MAP3K7: variants seen among roughly 807,000 people sequenced by gnomAD.
The protein encoded by MAP3K7 is mitogen-activated protein kinase kinase kinase 7.
A neutral mutation model predicts 84.8 loss-of-function variants in MAP3K7; 21 were observed. The ratio of observed to expected loss-of-function variants is 0.25; its 90% CI spans 0.18 to 0.36. MAP3K7 has a LOEUF of 0.36. Ranked by LOEUF, MAP3K7 falls within the 10% of genes least tolerant of loss-of-function variation. MAP3K7 has a pLI of 1.00. For missense variants in MAP3K7, 503 were observed against 747.7 expected (o/e 0.67, Z 3.82); for synonymous variants, 241 against 247.7 (o/e 0.97, Z 0.25).
chr6:90,560,713 G>A (rs1325906858), intron 4 of MAP3K7, among the ~76,000 whole-genome samples: 4 of 152,058 alleles, frequency 2.6e-5, no homozygotes, highest in African/African-American at 9.7e-5. Context: ...ATTTTGAGTG[G>A]ATAATTGCCA....
chr6:90,562,999 T>C (rs879511066), intron 3 of MAP3K7, among the ~76,000 whole-genome samples: 12 of 152,124 alleles, frequency 7.9e-5, no homozygotes, highest in Non-Finnish European at 1.6e-4. Context: ...CCAACAAACC[T>C]GCAGCTGAGG....
At chr6:90,585,073 G>A (rs868131450) in intron 1 of MAP3K7, among the ~76,000 whole-genome samples, 1 of 152,112 alleles carries the variant, frequency 6.6e-6, no homozygotes, top group Non-Finnish European at 1.5e-5. Flanking sequence ...CCTGTGGTAG[G>A]TGTTTTGCAT....
intron 2 of MAP3K7, 85 bp from the exon 3 acceptor site, chr6:90,568,708 C>G: frequency 1.1e-6 from 1 of 948,150 alleles, no homozygotes. Flanking sequence ...TACTGTTGTA[C>G]AAAACATTTG....
At chr6:90,573,351 T>C (rs538269791) in intron 1 of MAP3K7, among the ~76,000 whole-genome samples, 4 of 152,208 alleles carry the variant, frequency 2.6e-5, no homozygotes, top group Admixed American at 6.6e-5. Context: ...AAGTTGACTA[T>C]AACTAGGTTG....
chr6:90,571,624 C>T (rs534776192), intron 2 of MAP3K7, 73 bp downstream of exon 2: 1 of 876,026 alleles, frequency 1.1e-6, no homozygotes, highest in Non-Finnish European at 1.7e-6. Flanking sequence ...AGAAACCAAT[C>T]TTTTTCATAA....
chr6:90,571,147 C>T (rs1157045306), intron 2 of MAP3K7, among the ~76,000 whole-genome samples: 2 of 151,958 alleles, frequency 1.3e-5, no homozygotes, highest in Non-Finnish European at 2.9e-5. Flanking sequence ...ATAATGTGAT[C>T]CAAAATACAA....
rs187107029 is a variant in MAP3K7 at position 90,565,676 on chromosome 6, C to T, written c.297+2882G>A. Among the ~76,000 whole-genome samples the T allele has an allele frequency of 4.8e-3, 725 of 152,200 alleles. 7 individuals carry two copies. Among genetic ancestry groups the T allele is most frequent in the African/African-American group, 0.016 (676 of 41,522 alleles). On this transcript the variant is annotated intron_variant, in intron 3 of 16. Transcript: ENST00000369329. ...CCATTCCTTCTGAAACTATTCCAAT[C>T]GATAGAAAAAGAGGGAATCCTCCCT...
chr6:90,563,302 T>A (rs1181614434), intron 3 of MAP3K7, among the ~76,000 whole-genome samples: 1 of 152,122 alleles, frequency 6.6e-6, no homozygotes, highest in Admixed American at 6.5e-5. Context: ...TTTGAACCCA[T>A]CACAAACAAG....
chr6:90,548,679 A>G (rs1776081580), intron 9 of MAP3K7, among the ~76,000 whole-genome samples: 1 of 151,948 alleles, frequency 6.6e-6, no homozygotes, highest in Non-Finnish European at 1.5e-5. Context: ...TAAGTGAAGA[A>G]GCCAAATGAG....
intron 5 of MAP3K7, among the ~76,000 whole-genome samples, chr6:90,558,878 A>G (rs755350997): frequency 8.5e-5 from 13 of 152,358 alleles, no homozygotes; most frequent in Middle Eastern, 6.8e-3. Context: ...AGATGCGTTC[A>G]GACTCTTTTA....
chr6:90,521,213 A>G (rs1775137790), intron 14 of MAP3K7, among the ~76,000 whole-genome samples: 1 of 151,976 alleles, frequency 6.6e-6, no homozygotes, highest in Non-Finnish European at 1.5e-5. Context: ...TCTACTAGCA[A>G]TAATTGGTCA....
intron 1 of MAP3K7, among the ~76,000 whole-genome samples, chr6:90,576,466 CACACAG>C (rs1056809774): frequency 2.3e-5 from 3 of 130,582 alleles, no homozygotes; most frequent in South Asian, 4.7e-4. Context: ...CACACACACA[CACACAG>C]AAGAAACAAC....
At chr6:90,545,007 AAAGT>A (rs1200919822) in intron 11 of MAP3K7, among the ~76,000 whole-genome samples, 3 of 152,110 alleles carry the variant, frequency 2.0e-5, no homozygotes, top group Non-Finnish European at 2.9e-5. Flanking sequence ...AAGGCGTTAA[AAAGT>A]AAGTTGTCGT....
Position 90,527,529 on chromosome 6 carries a change from C to T in MAP3K7, c.1357-3746G>A, listed in dbSNP as rs181744723. Reference sequence around the variant, plus strand: ...CGATCCTCCTGCCTCAGCCTCCTAACGTGCTGGGATTATAGGTGTGAGCCC... The same window carrying T: ...CGATCCTCCTGCCTCAGCCTCCTAATGTGCTGGGATTATAGGTGTGAGCCC... On this transcript the variant is annotated intron_variant, in intron 13 of 16. Coordinates refer to ENST00000369329, the MANE Select transcript of MAP3K7 (RefSeq NM_145331.3). 3.9e-5 allele frequency among the ~76,000 whole-genome samples: 6 copies of T among 152,132 alleles called. No homozygotes were observed. In the East Asian group the frequency reaches 9.7e-4, roughly 25 times the overall value.
rs1404698445 is a variant in MAP3K7 at position 90,567,611 on chromosome 6, TG to T, written c.297+946del. Among the ~76,000 whole-genome samples, 3 of 152,344 alleles carry T rather than the reference TG, an allele frequency of 2.0e-5. 1 individual carries two copies. In the South Asian group the frequency reaches 6.2e-4, roughly 32 times the overall value. The stretch of plus-strand genomic sequence containing the variant: ...AGAAATAGGAACACTTTTACACCGT[TG>T]GTGGGACTGTAAACTAGTTCAGCCA... On this transcript the variant is annotated intron_variant, in intron 3 of 16. Transcript: ENST00000369329.
intron 6 of MAP3K7, 142 bp downstream of exon 6, chr6:90,556,358 T>C: frequency 1.3e-6 from 1 of 799,048 alleles, no homozygotes; most frequent in Non-Finnish European, 1.9e-6. Flanking sequence ...TAACACTATA[T>C]TTAATATCCC....
chr6:90,555,695 A>G (rs571426827), intron 6 of MAP3K7, among the ~76,000 whole-genome samples: 2 of 152,342 alleles, frequency 1.3e-5, no homozygotes, highest in African/African-American at 4.8e-5. Context: ...ACACTGAATT[A>G]GTGAACACTG....
chr6:90,576,274 T>A (rs1777072700), intron 1 of MAP3K7, among the ~76,000 whole-genome samples: 1 of 151,592 alleles, frequency 6.6e-6, no homozygotes, highest in Non-Finnish European at 1.5e-5. Context: ...ATACAAAAAA[T>A]TAACGGGGCG....
chr6:90,564,065 G>A (rs1776615354), intron 3 of MAP3K7, among the ~76,000 whole-genome samples: 1 of 152,152 alleles, frequency 6.6e-6, no homozygotes, highest in South Asian at 2.1e-4. Context: ...GCTCCTGAAG[G>A]AAGCACTAAA....
Sources: gnomAD v4.1 joint callset for allele counts (sites outside exome capture counted in the v4.1 genomes callset) on GRCh38, gnomAD v4.1.1 for gene constraint, MANE v1.5 for transcripts, NCBI Gene and HGNC (gene_info 2026-07-23, HGNC 2026-07-21) for gene names.